Variants in TRPM6 observed in about 807,000 individuals in gnomAD.
TRPM6 encodes the protein channel kinase 2.
In TRPM6, 111 loss-of-function variants were observed where a neutral mutation model predicts 247.6. That is an observed-to-expected ratio of 0.45 (90% CI 0.38 to 0.52). The LOEUF is 0.52. Ranked by LOEUF, TRPM6 falls within the 20% of genes least tolerant of loss-of-function variation. TRPM6 has a pLI of 0.00. For synonymous variants in TRPM6, 892 were observed against 853.8 expected (o/e 1.04, Z -0.78); for missense variants, 2,126 against 2,421.5 (o/e 0.88, Z 2.56).
chr9:74,765,727 G>A (rs373162673), intron 25 of TRPM6, among the ~76,000 whole-genome samples: 1 of 152,282 alleles, frequency 6.6e-6, no homozygotes. Flanking sequence ...CCAAAATAGT[G>A]TTAGACTTCC....
At chr9:74,855,014 G>A (rs1473509983) in intron 3 of TRPM6, among the ~76,000 whole-genome samples, 1 of 152,132 alleles carries the variant, frequency 6.6e-6, no homozygotes, top group Non-Finnish European at 1.5e-5. Context: ...TTTAACTTTG[G>A]TTCAATCCAT....
chr9:74,841,505 C>CT (rs199836895), intron 4 of TRPM6, among the ~76,000 whole-genome samples: 19 of 148,814 alleles, frequency 1.3e-4, no homozygotes, highest in South Asian at 2.1e-4. Context: ...CTTTGAACTT[C>CT]TTTTTTTTTT....
intron 27 of TRPM6, among the ~76,000 whole-genome samples, chr9:74,759,166 G>A (rs1826536996): frequency 6.6e-6 from 1 of 152,026 alleles, no homozygotes; most frequent in Non-Finnish European, 1.5e-5. Flanking sequence ...ACTCATTATT[G>A]TTAAGATGTC....
chr9:74,812,567 A>T (rs1828772042), intron 11 of TRPM6, 134 bp from the exon 12 acceptor site: 8 of 188,516 alleles, frequency 4.2e-5, no homozygotes, highest in East Asian at 1.2e-4. Context: ...GTGGGTACAG[A>T]AAAAAAAAAA....
intron 9 of TRPM6, among the ~76,000 whole-genome samples, chr9:74,818,511 C>T (rs1427234890): frequency 6.6e-6 from 1 of 151,964 alleles, no homozygotes; most frequent in Admixed American, 6.6e-5. Context: ...CCATGTTGGC[C>T]AGGCTGGTCT....
At chr9:74,789,079 C>T (rs1827799840) in intron 19 of TRPM6, among the ~76,000 whole-genome samples, 1 of 152,188 alleles carries the variant, frequency 6.6e-6, no homozygotes, top group South Asian at 2.1e-4. Flanking sequence ...GGAGGAATCA[C>T]AGGTCTTCCC....
intron 17 of TRPM6, among the ~76,000 whole-genome samples, chr9:74,798,695 A>C (rs891203867): frequency 1.3e-5 from 2 of 152,172 alleles, no homozygotes; most frequent in African/African-American, 4.8e-5. Flanking sequence ...AATTATTTGC[A>C]AATGTGTTTC....
intron 25 of TRPM6, among the ~76,000 whole-genome samples, chr9:74,766,015 T>C (rs1242111505): frequency 6.6e-6 from 1 of 152,212 alleles, no homozygotes; most frequent in Admixed American, 6.5e-5. Context: ...AATATATGTA[T>C]ACTCTCTTCC....
chr9:74,795,203 C>T (rs1828048753), intron 18 of TRPM6, among the ~76,000 whole-genome samples: 1 of 152,150 alleles, frequency 6.6e-6, no homozygotes, highest in Non-Finnish European at 1.5e-5. Context: ...CTTATTGCTT[C>T]TCACCTGGAT....
intron 30 of TRPM6, among the ~76,000 whole-genome samples, chr9:74,750,428 T>C (rs1297039319): frequency 6.6e-6 from 1 of 152,298 alleles, no homozygotes; most frequent in Non-Finnish European, 1.5e-5. Context: ...GTTTAATTTG[T>C]TGTAGGAGTA....
chr9:74,854,648 G>A (rs1325475560), intron 3 of TRPM6, among the ~76,000 whole-genome samples: 1 of 152,018 alleles, frequency 6.6e-6, no homozygotes, highest in African/African-American at 2.4e-5. Flanking sequence ...TAAACTGAGG[G>A]TTCCAATTTT....
rs1364352423 is a variant in TRPM6, at chr9:74,762,157, C to T, written c.4514G>A (p.Arg1505Lys). The T allele has an allele frequency of 6.2e-7, 1 of 1,614,182 alleles. No homozygotes were observed. Among genetic ancestry groups the T allele is most frequent in the South Asian group, 1.1e-5 (1 of 91,088 alleles). Reference protein sequence around the residue: ...QDSSLSDNSTRSAQSSECSEV... With the variant: ...QDSSLSDNSTKSAQSSECSEV... ...TGAGCATTCACTACTCTGGGCCGATCTTGTTGAGTTATCAGATAGGGAGCT... is the reference window on the plus strand; with the variant it reads ...TGAGCATTCACTACTCTGGGCCGATTTTGTTGAGTTATCAGATAGGGAGCT... Residue 1505 changes from arginine to lysine, a missense_variant, in exon 26 of 39, where the codon AGA becomes AAA. This residue lies in a region of TRPM6 where 717 missense variants were observed against 715.9 expected (regional missense o/e 1.00). Coordinates refer to ENST00000360774, the MANE Select transcript of TRPM6 (RefSeq NM_017662.5).
At position 74,812,369 on chromosome 9, in the gene TRPM6, A is replaced by G; in HGVS notation, c.1373T>C (p.Leu458Pro). 1.2e-6 allele frequency: 2 copies of G among 1,614,072 alleles called. No individual in the cohort carries two copies. The highest frequency in any genetic ancestry group is 1.7e-6 in the Non-Finnish European group (2 of 1,179,974). Reference sequence around the variant, plus strand: ...GAGGTTCACTCCATATTCTATTAAGAGCTTCACAAAATCCACCCGATCCAT... The same window carrying G: ...GAGGTTCACTCCATATTCTATTAAGGGCTTCACAAAATCCACCCGATCCAT... Reference protein sequence around the residue: ...LVMDRVDFVKLLIEYGVNLHR... With the variant: ...LVMDRVDFVKPLIEYGVNLHR... Residue 458 changes from leucine (L) to proline (P), a missense_variant, in exon 12 of 39, where the codon CTC (leucine) becomes CCC (proline). Coordinates refer to ENST00000360774, the MANE Select transcript of TRPM6 (RefSeq NM_017662.5).
chr9:74,829,937 C>A (rs1829486342), intron 6 of TRPM6, among the ~76,000 whole-genome samples: 1 of 151,896 alleles, frequency 6.6e-6, no homozygotes, highest in African/African-American at 2.4e-5. Flanking sequence ...CCAATCTGAA[C>A]AACACAGCAA....
At chr9:74,780,341 C>A (rs879873178) in intron 23 of TRPM6, among the ~76,000 whole-genome samples, 2 of 152,010 alleles carry the variant, frequency 1.3e-5, no homozygotes, top group African/African-American at 4.8e-5. Flanking sequence ...GCAATCCCAG[C>A]CACTTGGGAG....
chr9:74,770,996 A>G (rs958145926), intron 25 of TRPM6, among the ~76,000 whole-genome samples: 9 of 152,120 alleles, frequency 5.9e-5, no homozygotes, highest in Non-Finnish European at 1.5e-5. Flanking sequence ...CCACTGCACA[A>G]CAACCGCCGG....
Position 74,739,819 on chromosome 9 carries a change from C to A in TRPM6, c.5391G>T (p.Pro1797=). The A allele has an allele frequency of 1.2e-6, 2 of 1,614,110 alleles. No individual in the cohort carries two copies. Among genetic ancestry groups the A allele is most frequent in the Non-Finnish European group, 1.7e-6 (2 of 1,180,026 alleles). The change falls in exon 34 of 39, where the codon CCG becomes CCT. Residue 1797 remains proline, a synonymous_variant. Transcript: ENST00000360774. ...STWSEDDILK[P]GQVFIVKSFL... ...AGGACTTGACAATGAAAACTTGTCC[C>A]GGCTTGAGAATGTCATCCTCAGACC...
intron 4 of TRPM6, among the ~76,000 whole-genome samples, chr9:74,841,724 C>T (rs1829944537): frequency 6.6e-6 from 1 of 152,146 alleles, no homozygotes; most frequent in African/African-American, 2.4e-5. Flanking sequence ...AGGCTGGTCT[C>T]AAACTCCTGA....
rs557001933 is a variant in TRPM6 at position 74,874,708 on chromosome 9, CT to C, written c.33+13115del. Among the ~76,000 whole-genome samples, 242 of 148,832 alleles carry C rather than the reference CT, an allele frequency of 1.6e-3. 1 individual carries two copies. Among genetic ancestry groups the C allele is most frequent in the Middle Eastern group, 3.5e-3 (1 of 286 alleles). Reference sequence around the variant, plus strand: ...CAAAAGCAAAGCAGTTTTTCTTTTTCTTTTTTTTTAAGAATGTGTCACTCAA... The same window carrying C: ...CAAAAGCAAAGCAGTTTTTCTTTTTCTTTTTTTTAAGAATGTGTCACTCAA... On this transcript the variant is annotated intron_variant, in intron 1 of 38. Transcript: ENST00000360774.
Sources: allele counts gnomAD v4.1 joint callset (sites outside exome capture counted in the v4.1 genomes callset), GRCh38; gene constraint gnomAD v4.1.1; regional missense constraint gnomAD v4.1.1; transcripts MANE v1.5; gene names NCBI Gene and HGNC (gene_info 2026-07-23, HGNC 2026-07-21).